The following MPC1 variants were observed in gnomAD, a reference collection of about 807,000 sequenced individuals.
MPC1 encodes the protein HSPC040 protein.
A neutral mutation model predicts 13.9 loss-of-function variants in MPC1; 6 were observed. That is an observed-to-expected ratio of 0.43 (90% CI 0.24 to 0.85). MPC1 has a LOEUF of 0.85. Among genes scored for constraint, MPC1 ranks in the 40% least tolerant of loss-of-function variants. The pLI, the probability that MPC1 is intolerant of heterozygous loss-of-function variation, is 0.24. For synonymous variants in MPC1, 47 were observed against 50.5 expected (o/e 0.93, Z 0.29); for missense variants, 115 against 143.3 (o/e 0.80, Z 1.01).
At chr6:166,376,597 T>G (rs1483086411) in intron 1 of MPC1, among the ~76,000 whole-genome samples, 1 of 152,230 alleles carries the variant, frequency 6.6e-6, no homozygotes, top group East Asian at 1.9e-4. Context: ...TGCATAAACA[T>G]GCCCAGAAAT....
chr6:166,371,218 T>A (rs1258012612), intron 1 of MPC1, among the ~76,000 whole-genome samples: 1 of 152,220 alleles, frequency 6.6e-6, no homozygotes, highest in Non-Finnish European at 1.5e-5. Context: ...CACCAGAATG[T>A]GAACCCCTGG....
chr6:166,382,326 G>A (rs960912714), intron 1 of MPC1, among the ~76,000 whole-genome samples: 3 of 151,330 alleles, frequency 2.0e-5, no homozygotes, highest in Non-Finnish European at 4.4e-5. Context: ...GGCCGGGAAG[G>A]GCGTCCACTG....
chr6:166,379,215 TGG>T (rs1009901554), intron 1 of MPC1, among the ~76,000 whole-genome samples: 1 of 152,190 alleles, frequency 6.6e-6, no homozygotes, highest in African/African-American at 2.4e-5. Flanking sequence ...GTGGATGGGC[TGG>T]GCACAGTGGT....
In MPC1 at chr6:166,366,109, G is replaced by A. The variant is rs891780608; in HGVS notation, c.173-3C>T. ...TGTCAAAGAATAGCAACAGAGGGCT[G>A]CCAAAAATAGCAGAGCAAAGACAAT... On this transcript the variant is annotated splice_polypyrimidine_tract_variant and splice_region_variant and intron_variant, in intron 3 of 4. Transcript: ENST00000360961. The A allele has an allele frequency of 1.2e-6, 2 of 1,612,104 alleles. No individual in the cohort carries two copies. Among genetic ancestry groups the A allele is most frequent in the Non-Finnish European group, 8.5e-7 (1 of 1,178,986 alleles).
intron 2 of MPC1, chr6:166,367,157 C>T (rs1779191518): frequency 1.6e-6 from 2 of 1,283,908 alleles, no homozygotes; most frequent in Non-Finnish European, 2.0e-6. Context: ...CTGGTTTCCA[C>T]ACTACAACCA....
intron 1 of MPC1, among the ~76,000 whole-genome samples, chr6:166,377,517 G>A (rs186635884): frequency 2.2e-4 from 33 of 152,166 alleles, no homozygotes; most frequent in African/African-American, 3.6e-4. Context: ...AGCAATTTAA[G>A]TAATTTATAA....
At chr6:166,373,868 CA>C (rs763083793) in intron 1 of MPC1, among the ~76,000 whole-genome samples, 2 of 81,972 alleles carry the variant, frequency 2.4e-5, no homozygotes, top group Non-Finnish European at 6.2e-5. Flanking sequence ...AATCTTCTGG[CA>C]GAGCTTCTTT....
At chr6:166,366,714 T>C in intron 3 of MPC1, 81 bp downstream of exon 3, 3 of 1,318,140 alleles carry the variant, frequency 2.3e-6, no homozygotes, top group Non-Finnish European at 3.3e-6. Flanking sequence ...GACTGTAACA[T>C]CTAGTGCTAC....
intron 1 of MPC1, 31 bp from the exon 2 acceptor site, chr6:166,370,252 C>A (rs766136760): frequency 5.4e-6 from 4 of 740,640 alleles, no homozygotes; most frequent in Non-Finnish European, 1.0e-5. Flanking sequence ...GAAGTTCAGA[C>A]AGGACAGACA....
At chr6:166,379,250 T>C (rs1299143962) in intron 1 of MPC1, among the ~76,000 whole-genome samples, 1 of 152,136 alleles carries the variant, frequency 6.6e-6, no homozygotes, top group Non-Finnish European at 1.5e-5. Flanking sequence ...TCCCAGAGCT[T>C]TGGGAGGCCA....
chr6:166,373,976 T>C (rs1032255514), intron 1 of MPC1, among the ~76,000 whole-genome samples: 1 of 152,142 alleles, frequency 6.6e-6, no homozygotes, highest in Non-Finnish European at 1.5e-5. Context: ...AGTTTTGTTT[T>C]TGTGGGTTTT....
intron 1 of MPC1, among the ~76,000 whole-genome samples, chr6:166,373,592 C>T (rs1455422858): frequency 6.6e-6 from 1 of 152,224 alleles, no homozygotes; most frequent in Non-Finnish European, 1.5e-5. Context: ...TAAAAATCCA[C>T]ATACAGGTTT....
chr6:166,369,101 G>T, intron 2 of MPC1: 1 of 281,890 alleles, frequency 3.5e-6, no homozygotes, highest in Non-Finnish European at 5.4e-6. Context: ...GCTAAGTGAT[G>T]TTATTAAAAG....
rs143076360 is a variant in MPC1, at chr6:166,371,151, T to A, written c.72-930A>T. On this transcript the variant is annotated intron_variant, in intron 1 of 4. Transcript: ENST00000360961. Reference sequence around the variant, plus strand: ...AAAAGTGGTAAGTTGGAGAGATGCATACTGTTGCAGAATTCTATTAACAAT... The same window carrying A: ...AAAAGTGGTAAGTTGGAGAGATGCAAACTGTTGCAGAATTCTATTAACAAT... 3.1e-3 allele frequency among the ~76,000 whole-genome samples: 472 copies of A among 152,294 alleles called. 1 individual carries two copies. The highest frequency in any genetic ancestry group is 0.011 in the African/African-American group (459 of 41,566).
intron 1 of MPC1, among the ~76,000 whole-genome samples, chr6:166,371,216 T>C (rs1461915379): frequency 6.6e-6 from 1 of 152,204 alleles, no homozygotes; most frequent in Non-Finnish European, 1.5e-5. Context: ...TGCACCAGAA[T>C]GTGAACCCCT....
intron 1 of MPC1, among the ~76,000 whole-genome samples, chr6:166,370,831 G>GA (rs959974573): frequency 4.0e-5 from 6 of 149,476 alleles, no homozygotes; most frequent in South Asian, 2.1e-4. Flanking sequence ...ACCCTGTCTG[G>GA]AAAAAAAAAG....
At chr6:166,369,214 C>G (rs2114951069) in intron 2 of MPC1, among the ~76,000 whole-genome samples, 1 of 152,188 alleles carries the variant, frequency 6.6e-6, no homozygotes, top group African/African-American at 2.4e-5. Flanking sequence ...CCAGCCTGAC[C>G]AACATGGTGA....
At chr6:166,381,024 G>T (rs865902351) in intron 1 of MPC1, among the ~76,000 whole-genome samples, 2 of 150,470 alleles carry the variant, frequency 1.3e-5, no homozygotes, top group African/African-American at 4.9e-5. Context: ...TGTCATAACT[G>T]TATTTTTAAT....
At position 166,382,797 on chromosome 6, in the gene MPC1, G is replaced by T. The variant is rs1779853544; in HGVS notation, c.71+9C>A. 6.3e-7 allele frequency: 1 copy of T among 1,582,858 alleles called. No individual in the cohort carries two copies. Among genetic ancestry groups the T allele is most frequent in the African/African-American group, 1.4e-5 (1 of 71,896 alleles). On this transcript the variant is annotated intron_variant, in intron 1 of 4. Coordinates refer to ENST00000360961, the MANE Select transcript of MPC1 (RefSeq NM_016098.4). ...CGGGTTGCGGGGTTCGGCCTGCGGC[G>T]CTCGTCACCTCATGAGGTAGTCCCG... is the stretch of plus-strand genomic sequence containing the variant.
Sources: gnomAD v4.1 joint callset for allele counts (sites outside exome capture counted in the v4.1 genomes callset) on GRCh38, gnomAD v4.1.1 for gene constraint, MANE v1.5 for transcripts, NCBI Gene and HGNC (gene_info 2026-07-23, HGNC 2026-07-21) for gene names.